NAA11: variants seen among roughly 807,000 people sequenced by gnomAD.
NAA11 encodes N-alpha-acetyltransferase 11.
A neutral mutation model predicts 16.1 loss-of-function variants in NAA11; 15 were observed. The ratio of observed to expected loss-of-function variants is 0.93; its 90% CI spans 0.62 to 1.44. The LOEUF (loss-of-function observed/expected upper bound fraction) is 1.44, where lower values mean the gene tolerates loss of function less well. Ranked by LOEUF, NAA11 falls within the 40% of genes most tolerant of loss-of-function variation. The pLI, the probability that NAA11 is intolerant of heterozygous loss-of-function variation, is 0.00. For synonymous variants in NAA11, 122 were observed against 112.4 expected (o/e 1.09, Z -0.54); for missense variants, 298 against 291.3 (o/e 1.02, Z -0.17).
Position 79,325,421 on chromosome 4 carries a change from G to A in NAA11, c.457C>T (p.Gln153Ter). The A allele has an allele frequency of 6.2e-7, 1 of 1,614,178 alleles. No individual in the cohort carries two copies. Among genetic ancestry groups the A allele is most frequent in the Non-Finnish European group, 8.5e-7 (1 of 1,180,042 alleles). Residue 153 changes from glutamine to a stop codon, truncating the protein, a stop_gained, in exon 1 of 2, where the codon CAG (glutamine) becomes TAG (stop). Transcript: ENST00000286794. LOFTEE classifies it high-confidence loss of function. ...TGTCGTCTCAGCTCATCTGCCATCT[G>A]CGAGAGATCCCGCTTCATAGCATAA... ...DAYAMKRDLS[Q>*]MADELRRQMD... is the part of the protein sequence containing the mutation.
chr4:79,287,775 T>A (rs1401830716), intron 2 of NAA11, among the ~76,000 whole-genome samples: 2 of 152,194 alleles, frequency 1.3e-5, no homozygotes, highest in African/African-American at 4.8e-5. Flanking sequence ...ATTTATATTT[T>A]AACTGTTGGA....
At chr4:79,242,081 A>G (rs1721709699) in intron 2 of NAA11, among the ~76,000 whole-genome samples, 1 of 152,226 alleles carries the variant, frequency 6.6e-6, no homozygotes, top group South Asian at 2.1e-4. Context: ...TGCCAGTGAC[A>G]CACGTGAGAG....
At chr4:79,282,575 T>C (rs533664815) in intron 2 of NAA11, among the ~76,000 whole-genome samples, 1 of 152,210 alleles carries the variant, frequency 6.6e-6, no homozygotes, top group African/African-American at 2.4e-5. Flanking sequence ...TTGTGATATA[T>C]TGAAAAATTT....
At chr4:79,175,972 C>A in the NAA11 span, among the ~76,000 whole-genome samples, 1 of 152,116 alleles carries the variant, frequency 6.6e-6, no homozygotes, top group Non-Finnish European at 1.5e-5. Flanking sequence ...AATGCAATAA[C>A]TAGAAGGAAA....
At chr4:79,270,187 G>T (rs1252628150) in intron 2 of NAA11, among the ~76,000 whole-genome samples, 1 of 150,160 alleles carries the variant, frequency 6.7e-6, no homozygotes, top group Non-Finnish European at 1.5e-5. Context: ...GGCGATGCGG[G>T]CTCTTTTTTG....
chr4:79,215,936 A>G, the NAA11 span, among the ~76,000 whole-genome samples: 1 of 152,198 alleles, frequency 6.6e-6, no homozygotes, highest in African/African-American at 2.4e-5. Context: ...GAAGAATTAT[A>G]TTATTAACTA....
the NAA11 span, among the ~76,000 whole-genome samples, chr4:79,200,438 A>G: frequency 1.3e-5 from 2 of 151,790 alleles, no homozygotes; most frequent in Non-Finnish European, 2.9e-5. Context: ...ATTAAATTAC[A>G]TTGGAATTAA....
chr4:79,190,345 T>G, the NAA11 span, among the ~76,000 whole-genome samples: 3 of 152,228 alleles, frequency 2.0e-5, no homozygotes, highest in Admixed American at 2.0e-4. Flanking sequence ...TAAAATCATT[T>G]TTTAAAAAGT....
chr4:79,239,184 G>A (rs1721638272), intron 2 of NAA11, among the ~76,000 whole-genome samples: 1 of 152,154 alleles, frequency 6.6e-6, no homozygotes, highest in South Asian at 2.1e-4. Context: ...TCTTGTAGCT[G>A]GATTCAGTAT....
At position 79,228,715 on chromosome 4, in the gene NAA11, A is replaced by G. The variant is rs1319551470; in HGVS notation, c.*123-2445T>C. Among the ~76,000 whole-genome samples the G allele has an allele frequency of 2.6e-5, 4 of 151,922 alleles. No individual in the cohort carries two copies. In the South Asian group the frequency reaches 8.3e-4, roughly 31 times the overall value. On this transcript the variant is annotated intron_variant and NMD_transcript_variant, in intron 2 of 2. Transcript: ENST00000511542. ...CACAGGTGTTTTATCCACTATTTGG[A>G]GAATATTTGGTTTGTATTTAGTTTT... is the stretch of plus-strand genomic sequence containing the variant.
chr4:79,192,300 C>T, the NAA11 span, among the ~76,000 whole-genome samples: 1 of 151,680 alleles, frequency 6.6e-6, no homozygotes, highest in Non-Finnish European at 1.5e-5. Flanking sequence ...CATATGTATA[C>T]ATGTGCCATG....
rs149357928 is a variant in NAA11, at chr4:79,257,934, G to A, written c.*123-31664C>T. 3.3e-5 allele frequency among the ~76,000 whole-genome samples: 5 copies of A among 152,344 alleles called. No homozygotes were observed. In the East Asian group the frequency reaches 9.6e-4, roughly 29 times the overall value. On this transcript the variant is annotated intron_variant and NMD_transcript_variant, in intron 2 of 2. Transcript: ENST00000511542. ...GTCTATATGTAATCATGTACAACATGAGAGTCACTACAAGACAATATGAAG... is the reference window on the plus strand; with the variant it reads ...GTCTATATGTAATCATGTACAACATAAGAGTCACTACAAGACAATATGAAG...
At chr4:79,221,071 C>G (rs1205539245), downstream of NAA11, among the ~76,000 whole-genome samples, 1 of 151,674 alleles carries the variant, frequency 6.6e-6, no homozygotes, top group Non-Finnish European at 1.5e-5. Flanking sequence ...TTGTAGTTCT[C>G]CTTGAAGAGG....
intron 1 of NAA11, among the ~76,000 whole-genome samples, chr4:79,298,633 A>G (rs1181506024): frequency 1.3e-5 from 2 of 152,222 alleles, no homozygotes; most frequent in African/African-American, 4.8e-5. Flanking sequence ...CACAGTGGCC[A>G]GACCCCACAC....
the NAA11 span, among the ~76,000 whole-genome samples, chr4:79,164,212 A>G: frequency 6.6e-6 from 1 of 152,176 alleles, no homozygotes; most frequent in Non-Finnish European, 1.5e-5. Context: ...TCACTATTGT[A>G]GTCTTCATAG....
the NAA11 span, among the ~76,000 whole-genome samples, chr4:79,172,997 A>G: frequency 6.6e-6 from 1 of 152,158 alleles, no homozygotes; most frequent in Non-Finnish European, 1.5e-5. Context: ...TCTTTTCCAT[A>G]AGACCACACT....
chr4:79,251,304 A>C (rs994875224), intron 2 of NAA11, among the ~76,000 whole-genome samples: 8 of 152,362 alleles, frequency 5.3e-5, no homozygotes, highest in African/African-American at 1.4e-4. Flanking sequence ...CATAAAAATG[A>C]ATGAGATCAT....
At chr4:79,212,714 C>T in the NAA11 span, among the ~76,000 whole-genome samples, 6 of 151,924 alleles carry the variant, frequency 3.9e-5, no homozygotes, top group South Asian at 6.2e-4. Flanking sequence ...ATATTGTTAT[C>T]ATTGTTCTAT....
At chr4:79,203,846 TAGAGAA>T in the NAA11 span, among the ~76,000 whole-genome samples, 149 of 151,800 alleles carry the variant, frequency 9.8e-4, 3 homozygotes, top group Non-Finnish European at 8.8e-5. Context: ...AATCTTTTAA[TAGAGAA>T]AGAGACAAGG....
Sources: allele counts gnomAD v4.1 joint callset (sites outside exome capture counted in the v4.1 genomes callset), GRCh38; gene constraint gnomAD v4.1.1; transcripts MANE v1.5; gene names NCBI Gene and HGNC (gene_info 2026-07-23, HGNC 2026-07-21).